The following NRCAM variants were observed in gnomAD, a reference collection of about 807,000 sequenced individuals.
The protein encoded by NRCAM is neuronal cell adhesion molecule.
NRCAM carries 83 observed loss-of-function variants against 156.5 expected under a neutral mutation model. That is an observed-to-expected ratio of 0.53 (90% confidence interval 0.44 to 0.64). The LOEUF (loss-of-function observed/expected upper bound fraction) is 0.64, where lower values mean the gene tolerates loss of function less well. Ranked by LOEUF, NRCAM falls within the 30% of genes least tolerant of loss-of-function variation. NRCAM has a pLI of 0.00. For missense variants in NRCAM, 1,417 were observed against 1,597.3 expected, an observed-to-expected ratio of 0.89 and a Z score of 1.92; for synonymous variants, 538 against 563.9, an observed-to-expected ratio of 0.95 and a Z score of 0.65.
chr7:108,435,220 T>C (rs1175079993), intron 1 of NRCAM, among the ~76,000 whole-genome samples: 3 of 152,230 alleles, frequency 2.0e-5, no homozygotes, highest in South Asian at 2.1e-4. Flanking sequence ...AAGAAAACAA[T>C]TGAATGGGAA....
In NRCAM at chr7:108,242,111, T is replaced by C. The variant is rs144953550; in HGVS notation, c.-106-1941A>G. ...TAACATGGTGAAATCCCGTCCCTAC[T>C]AAAAAATGCAAAAATTAGCCAGGCA... is the stretch of plus-strand genomic sequence containing the variant. On this transcript the variant is annotated intron_variant, in intron 3 of 32. Transcript: ENST00000379028. Among the ~76,000 whole-genome samples the C allele has an allele frequency of 4.7e-3, 716 of 151,630 alleles. 10 individuals are homozygous for C. The highest frequency in any genetic ancestry group is 0.017 in the African/African-American group (690 of 41,336).
At chr7:108,283,703 C>T (rs1430453819) in intron 3 of NRCAM, among the ~76,000 whole-genome samples, 1 of 152,170 alleles carries the variant, frequency 6.6e-6, no homozygotes, top group Non-Finnish European at 1.5e-5. Context: ...CTGTTGACCC[C>T]TTGCTACCTT....
chr7:108,232,509 G>A lies in NRCAM; in HGVS notation c.244C>T (p.Arg82Cys), dbSNP rs748084948. 3 of 1,609,730 alleles carry A rather than the reference G, an allele frequency of 1.9e-6. No individual in the cohort carries two copies. The highest frequency in any genetic ancestry group is 2.5e-6 in the Non-Finnish European group (3 of 1,178,360). Residue 82 changes from arginine (R) to cysteine (C), a missense_variant, in exon 7 of 33, where the codon CGT (arginine) becomes TGT (cysteine). Around this residue, in one of 2 missense-constraint regions of NRCAM, gnomAD observed 1,238 missense variants for 1,336.4 expected, o/e 0.93. Transcript: ENST00000379028. ...GKPPPSFSWT[R>C]NGTHFDIDKD... ...TCGATGTCAAAATGAGTCCCATTAC[G>A]GGTCCAGGAAAAGCTGCCCAACACA...
intron 2 of NRCAM, among the ~76,000 whole-genome samples, chr7:108,381,501 G>C (rs536397754): frequency 4.4e-4 from 67 of 151,974 alleles, no homozygotes; most frequent in African/African-American, 1.6e-3. Flanking sequence ...AAAATGTTAA[G>C]GGCTAGTAAA....
At chr7:108,315,823 C>T (rs918073339) in intron 2 of NRCAM, among the ~76,000 whole-genome samples, 5 of 152,180 alleles carry the variant, frequency 3.3e-5, no homozygotes, top group African/African-American at 1.2e-4. Context: ...ACACATTGGT[C>T]CTTGAAGACT....
chr7:108,181,961 T>G (rs1410011945), intron 23 of NRCAM, 24 bp from the exon 24 acceptor site: 1 of 1,525,360 alleles, frequency 6.6e-7, no homozygotes, highest in East Asian at 2.2e-5. Context: ...AGGGAAGTGG[T>G]AGAAGTATCA....
intron 1 of NRCAM, among the ~76,000 whole-genome samples, chr7:108,413,541 C>T (rs1391054052): frequency 6.6e-6 from 1 of 152,000 alleles, no homozygotes; most frequent in Admixed American, 6.6e-5. Context: ...CTCACCTCCT[C>T]CAGGAAGCCC....
chr7:108,404,466 G>C (rs966642035), intron 1 of NRCAM, among the ~76,000 whole-genome samples: 30 of 152,080 alleles, frequency 2.0e-4, no homozygotes, highest in African/African-American at 7.0e-4. Context: ...CGTTTTTCTA[G>C]CATTTTACAG....
chr7:108,337,832 C>T (rs1201597113), intron 2 of NRCAM, among the ~76,000 whole-genome samples: 2 of 152,184 alleles, frequency 1.3e-5, no homozygotes, highest in Non-Finnish European at 2.9e-5. Flanking sequence ...CTCCCCGCAA[C>T]CCAGTAACAT....
rs78813224 is a variant in NRCAM at position 108,269,458 on chromosome 7, G to T, written c.-106-29288C>A. ...TTTTCCCTCTAGATGTAAACTTTAT[G>T]AGACCAGGGGTCTGTCTTGGGTCAC... is the stretch of plus-strand genomic sequence containing the variant. On this transcript the variant is annotated intron_variant, in intron 3 of 32. Coordinates refer to ENST00000379028, the MANE Select transcript of NRCAM (RefSeq NM_001037132.4). Among the ~76,000 whole-genome samples, 561 of 152,234 alleles carry T rather than the reference G, an allele frequency of 3.7e-3. 3 individuals carry two copies. Among genetic ancestry groups the T allele is most frequent in the Non-Finnish European group, 6.4e-3 (437 of 68,028 alleles).
In NRCAM at chr7:108,184,624, A is replaced by G; in HGVS notation, c.2036-10T>C. ...TATTCGATGATGAATTCTGGTCACG[A>G]CACACACACACCAAACCCAAGACCG... On this transcript the variant is annotated splice_polypyrimidine_tract_variant and intron_variant, in intron 20 of 32. Transcript: ENST00000379028. 6.3e-7 allele frequency: 1 copy of G among 1,579,984 alleles called. No individual in the cohort carries two copies. Among genetic ancestry groups the G allele is most frequent in the Middle Eastern group, 2.1e-4 (1 of 4,686 alleles).
Position 108,239,946 on chromosome 7 carries a change from C to G in NRCAM, c.106+13G>C, listed in dbSNP as rs368872769. The stretch of plus-strand genomic sequence containing the variant: ...ACTCCTGGGCCTAACAGCTTTAAAA[C>G]GTTAATACTTACGATCAAGAGGTAC... On this transcript the variant is annotated intron_variant, in intron 4 of 32. Transcript: ENST00000379028. 2.4e-4 allele frequency: 376 copies of G among 1,569,938 alleles called. 1 individual carries two copies. The highest frequency in any genetic ancestry group is 1.3e-3 in the African/African-American group (94 of 73,950).
At chr7:108,419,266 T>C (rs1362670059) in intron 1 of NRCAM, among the ~76,000 whole-genome samples, 3 of 152,166 alleles carry the variant, frequency 2.0e-5, no homozygotes, top group Admixed American at 6.5e-5. Flanking sequence ...TTTCAGATAA[T>C]CTCCAATTAG....
chr7:108,159,625 C>G (rs766614384), intron 31 of NRCAM, 84 bp from the exon 32 acceptor site: 6 of 1,013,150 alleles, frequency 5.9e-6, no homozygotes, highest in Non-Finnish European at 9.2e-6. Flanking sequence ...TTGAGATATA[C>G]AGCAGTGAAA....
chr7:108,155,101 TACACACACACACAC>T (rs58111040), intron 32 of NRCAM, among the ~76,000 whole-genome samples: 18 of 123,120 alleles, frequency 1.5e-4, no homozygotes, highest in South Asian at 5.3e-4. Context: ...TATATATATA[TACACACACACACAC>T]ACACACACAC....
chr7:108,175,506 T>C (rs1384307865), intron 27 of NRCAM, 149 bp from the exon 28 acceptor site: 2 of 658,724 alleles, frequency 3.0e-6, no homozygotes, highest in Non-Finnish European at 4.9e-6. Context: ...GACAAAGATA[T>C]GTTGGTGTCC....
chr7:108,157,841 C>G (rs1396463279), intron 32 of NRCAM, among the ~76,000 whole-genome samples: 4 of 152,088 alleles, frequency 2.6e-5, no homozygotes, highest in African/African-American at 7.2e-5. Flanking sequence ...AGGAACCCAT[C>G]ACCATGTGGA....
intron 11 of NRCAM, among the ~76,000 whole-genome samples, chr7:108,209,973 A>G (rs73414335): frequency 0.017 from 2,591 of 152,330 alleles, 80 homozygotes; most frequent in African/African-American, 0.058. Context: ...TATATTAATG[A>G]TACTGAATTA....
rs543195107 is a variant in NRCAM, at chr7:108,405,544, G to C, written c.-331-5951C>G. Among the ~76,000 whole-genome samples, 14 of 152,330 alleles carry C rather than the reference G, an allele frequency of 9.2e-5. No homozygotes were observed. In the East Asian group the frequency reaches 2.7e-3, roughly 29 times the overall value. ...AGTCTAGTGACAGACCCCAAAGTCA[G>C]AGAGCTTGTCCATGTCAGAGATGGC... On this transcript the variant is annotated intron_variant, in intron 1 of 32. Coordinates refer to ENST00000379028, the MANE Select transcript of NRCAM (RefSeq NM_001037132.4).
Sources: gnomAD v4.1 joint callset for allele counts (sites outside exome capture counted in the v4.1 genomes callset) on GRCh38, gnomAD v4.1.1 for gene constraint, gnomAD v4.1.1 regional missense constraint, MANE v1.5 for transcripts, NCBI Gene and HGNC (gene_info 2026-07-23, HGNC 2026-07-21) for gene names.